Variants in DDX60 observed in about 807,000 individuals in gnomAD.
DDX60 encodes probable ATP-dependent RNA helicase DDX60.
Under a neutral mutation model 212.8 loss-of-function variants are expected in DDX60, and 165 were observed. That is an observed-to-expected ratio of 0.78 (90% CI 0.68 to 0.88). The LOEUF (loss-of-function observed/expected upper bound fraction) is 0.88. Among genes scored for constraint, DDX60 ranks in the 40% least tolerant of loss-of-function variants. The pLI, the probability that DDX60 is intolerant of heterozygous loss-of-function variation, is 0.00. For missense variants in DDX60, 1,905 were observed against 2,003.9 expected (o/e 0.95, Z 0.94); for synonymous variants, 703 against 685.3 (o/e 1.03, Z -0.40).
chr4:168,313,360 T>C (rs929502756), intron 1 of DDX60, among the ~76,000 whole-genome samples: 4 of 152,170 alleles, frequency 2.6e-5, no homozygotes, highest in African/African-American at 9.7e-5. Flanking sequence ...CTATGGGTTG[T>C]TCTACATGGC....
At chr4:168,234,088 G>A (rs1219975789) in intron 33 of DDX60, among the ~76,000 whole-genome samples, 1 of 151,978 alleles carries the variant, frequency 6.6e-6, no homozygotes, top group Non-Finnish European at 1.5e-5. Flanking sequence ...AAGAAATCTA[G>A]CATTCTCATT....
At chr4:168,311,408 T>G (rs1737129243) in intron 1 of DDX60, 43 bp from the exon 2 acceptor site, 2 of 738,126 alleles carry the variant, frequency 2.7e-6, no homozygotes, top group East Asian at 5.4e-5. Context: ...TCAACAAACA[T>G]GTATTGAATG....
chr4:168,306,351 A>C, intron 5 of DDX60, 28 bp downstream of exon 5: 1 of 1,532,352 alleles, frequency 6.5e-7, no homozygotes, highest in African/African-American at 1.4e-5. Flanking sequence ...AAATTTCTAG[A>C]AGAAATTGTC....
intron 22 of DDX60, among the ~76,000 whole-genome samples, chr4:168,265,290 T>C (rs190952504): frequency 3.9e-5 from 6 of 152,342 alleles, no homozygotes; most frequent in Non-Finnish European, 7.4e-5. Flanking sequence ...TAGTTTATTA[T>C]GTTTTTTTCT....
At chr4:168,316,586 C>A (rs1002070329) in intron 1 of DDX60, among the ~76,000 whole-genome samples, 5 of 151,994 alleles carry the variant, frequency 3.3e-5, no homozygotes, top group African/African-American at 1.2e-4. Context: ...AAGTACTGCA[C>A]CATCGCATTA....
chr4:168,306,734 G>C lies in DDX60; in HGVS notation c.265-14C>G. On this transcript the variant is annotated splice_polypyrimidine_tract_variant and intron_variant, in intron 4 of 37. Coordinates refer to ENST00000393743, the MANE Select transcript of DDX60 (RefSeq NM_017631.6). ...ATACTCGGCATCCTGTGGAGGAGGA[G>C]GTGAAGTACATTTTATTTCAAAATT... 6.4e-7 allele frequency: 1 copy of C among 1,568,630 alleles called. No homozygotes were observed. The highest frequency in any genetic ancestry group is 8.7e-7 in the Non-Finnish European group (1 of 1,146,360).
At chr4:168,313,919 G>A (rs557694361) in intron 1 of DDX60, among the ~76,000 whole-genome samples, 20 of 152,162 alleles carry the variant, frequency 1.3e-4, no homozygotes, top group Non-Finnish European at 2.2e-4. Context: ...GTGAGTGCCC[G>A]TTAAACACTG....
intron 13 of DDX60, 129 bp downstream of exon 13, chr4:168,283,317 C>T (rs1488712691): frequency 2.6e-6 from 2 of 768,930 alleles, no homozygotes; most frequent in African/African-American, 3.6e-5. Context: ...TAATCATATA[C>T]AAAAATATAT....
At chr4:168,304,661 A>T (rs1736799300) in intron 5 of DDX60, among the ~76,000 whole-genome samples, 1 of 152,112 alleles carries the variant, frequency 6.6e-6, no homozygotes, top group Non-Finnish European at 1.5e-5. Flanking sequence ...TGATCACATC[A>T]CTGCACTCCA....
chr4:168,308,203 G>T lies in DDX60; in HGVS notation c.75-8C>A, dbSNP rs748745214. The stretch of plus-strand genomic sequence containing the variant: ...TTGAATAAACTGGAATATCTAAAAT[G>T]AAAAACAGTTAAAACAAAAATCACA... On this transcript the variant is annotated splice_region_variant and splice_polypyrimidine_tract_variant and intron_variant, in intron 3 of 37. Coordinates refer to ENST00000393743, the MANE Select transcript of DDX60 (RefSeq NM_017631.6). The T allele has an allele frequency of 6.6e-7, 1 of 1,505,078 alleles. No homozygotes were observed. The highest frequency in any genetic ancestry group is 1.4e-5 in the African/African-American group (1 of 70,908). 93.2% of individuals were successfully genotyped at this position (1,505,078 alleles called of 1,614,324 possible).
At chr4:168,282,844 T>C (rs1735652784) in intron 13 of DDX60, among the ~76,000 whole-genome samples, 1 of 152,172 alleles carries the variant, frequency 6.6e-6, no homozygotes, top group African/African-American at 2.4e-5. Context: ...TTAGTATTAT[T>C]ATTCCAGAAA....
chr4:168,301,910 C>T (rs1044210452), intron 6 of DDX60, among the ~76,000 whole-genome samples: 1 of 152,116 alleles, frequency 6.6e-6, no homozygotes, highest in Non-Finnish European at 1.5e-5. Context: ...GACATTCTGG[C>T]CAAAGATGTA....
At chr4:168,223,318 A>T (rs1733130670) in intron 35 of DDX60, among the ~76,000 whole-genome samples, 1 of 145,754 alleles carries the variant, frequency 6.9e-6, no homozygotes, top group Non-Finnish European at 1.5e-5. Context: ...TAAAATAAAC[A>T]ATAAAAGCAA....
the DDX60 span, among the ~76,000 whole-genome samples, chr4:168,323,926 A>G: frequency 6.6e-6 from 1 of 152,208 alleles, no homozygotes; most frequent in Non-Finnish European, 1.5e-5. Context: ...AAGTCGCCAC[A>G]TTCCATTGAG....
chr4:168,318,961 T>TAGG (rs1737532898), upstream of DDX60, among the ~76,000 whole-genome samples: 1 of 152,078 alleles, frequency 6.6e-6, no homozygotes, highest in Admixed American at 6.6e-5. Context: ...TTACAATAGC[T>TAGG]AGGAAGAACC....
intron 18 of DDX60, 40 bp from the exon 19 acceptor site, chr4:168,272,178 C>T: frequency 6.8e-7 from 1 of 1,473,602 alleles, no homozygotes; most frequent in Non-Finnish European, 9.3e-7. Context: ...ATTTTGAGCA[C>T]TTACTATGTG....
rs1425095330 is a variant in DDX60 at position 168,237,777 on chromosome 4, G to A, written c.4183C>T (p.His1395Tyr). 6.2e-7 allele frequency: 1 copy of A among 1,609,242 alleles called. No homozygotes were observed. Among genetic ancestry groups the A allele is most frequent in the African/African-American group, 1.3e-5 (1 of 74,864 alleles). Residue 1395 changes from histidine to tyrosine, a missense_variant, in exon 31 of 38, where the codon CAT (histidine) becomes TAT (tyrosine). His to Tyr is a moderately conservative substitution (Grantham distance 83). Coordinates refer to ENST00000393743, the MANE Select transcript of DDX60 (RefSeq NM_017631.6). ...AKAKVLSVLK[H>Y]SLLSFKQPRV... Reference sequence around the variant, plus strand: ...GGTTGCTTGAAGGACAGCAATGAATGCTTTAGCACTGATAGCACCTTTAAA... The same window carrying A: ...GGTTGCTTGAAGGACAGCAATGAATACTTTAGCACTGATAGCACCTTTAAA...
chr4:168,237,551 C>T, intron 31 of DDX60, 124 bp from the exon 32 acceptor site: 1 of 1,167,264 alleles, frequency 8.6e-7, no homozygotes, highest in Non-Finnish European at 1.2e-6. Context: ...ATTACTGGGC[C>T]CAACTTTTAT....
chr4:168,268,651 T>C (rs1734954586), intron 20 of DDX60, among the ~76,000 whole-genome samples: 1 of 152,102 alleles, frequency 6.6e-6, no homozygotes, highest in Admixed American at 6.6e-5. Flanking sequence ...TAGATCTAGG[T>C]GGGGAAGTCC....
Sources: gnomAD v4.1 joint callset for allele counts (sites outside exome capture counted in the v4.1 genomes callset) on GRCh38, gnomAD v4.1.1 for gene constraint, MANE v1.5 for transcripts, NCBI Gene and HGNC (gene_info 2026-07-23, HGNC 2026-07-21) for gene names.